DLC1: variants seen among roughly 807,000 people sequenced by gnomAD.
DLC1 encodes the protein DLC1 Rho GTPase activating protein, also known as rho GTPase-activating protein 7.
A neutral mutation model predicts 140.3 loss-of-function variants in DLC1; 54 were observed. That is an observed-to-expected ratio of 0.38 (90% CI 0.31 to 0.48). The LOEUF is 0.48. Ranked by LOEUF, DLC1 falls within the 20% of genes least tolerant of loss-of-function variation. DLC1 has a pLI of 0.96. For missense variants in DLC1, 2,536 were observed against 1,907.0 expected, an observed-to-expected ratio of 1.33 and a Z score of -6.14; for synonymous variants, 986 against 728.1, an observed-to-expected ratio of 1.35 and a Z score of -5.70.
intron 1 of DLC1, among the ~76,000 whole-genome samples, chr8:13,546,025 G>C (rs183037128): frequency 2.6e-5 from 4 of 152,220 alleles, no homozygotes; most frequent in Admixed American, 2.0e-4. Flanking sequence ...ATATGTTAAA[G>C]AGAATGGGGA....
chr8:13,546,065 G>A (rs939147521), intron 1 of DLC1, among the ~76,000 whole-genome samples: 1 of 152,094 alleles, frequency 6.6e-6, no homozygotes, highest in Non-Finnish European at 1.5e-5. Flanking sequence ...CTTTTATGCC[G>A]TCTTGGAATT....
intron 2 of DLC1, among the ~76,000 whole-genome samples, chr8:13,448,261 C>G (rs1414392113): frequency 6.6e-6 from 1 of 152,066 alleles, no homozygotes; most frequent in African/African-American, 2.4e-5. Context: ...ATCATGAAAC[C>G]CTGGAATAGA....
intron 5 of DLC1, among the ~76,000 whole-genome samples, chr8:13,150,668 C>G (rs1379337600): frequency 6.6e-6 from 1 of 152,228 alleles, no homozygotes; most frequent in Non-Finnish European, 1.5e-5. Flanking sequence ...AGTCTTAGAT[C>G]TTCATAAACA....
At chr8:13,501,256 A>C (rs1449379748) in intron 1 of DLC1, among the ~76,000 whole-genome samples, 1 of 152,208 alleles carries the variant, frequency 6.6e-6, no homozygotes, top group Admixed American at 6.5e-5. Context: ...GCATAAGACA[A>C]GCTTAGAATA....
rs775545560 is a variant in DLC1 at position 13,095,089 on chromosome 8, A to T, written c.3324T>A (p.Asp1108Glu). 6.2e-7 allele frequency: 1 copy of T among 1,614,242 alleles called. No individual in the cohort carries two copies. The highest frequency in any genetic ancestry group is 1.1e-5 in the South Asian group (1 of 91,084). ...GACCCGCAGGCAGCGCTCTCACCTG[A>T]TCCAAACAATGGTTCCGGAGGTATC... is the stretch of plus-strand genomic sequence containing the variant. Reference protein sequence around the residue: ...AMRYLRNHCLDQVGLFRKSGV... With the variant: ...AMRYLRNHCLEQVGLFRKSGV... The change falls in exon 11 of 18, where the codon GAT becomes GAA. Residue 1108 changes from aspartate to glutamate, a missense_variant. By Grantham distance (45) the Asp-to-Glu change is conservative (BLOSUM62 2). Transcript: ENST00000276297.
rs141180641 is a variant in DLC1 at position 13,575,464 on chromosome 8, C to G, written c.-126+29073G>C. On this transcript the variant is annotated intron_variant, in intron 1 of 1. Transcript: ENST00000631382. ...GGGGCCGAGGGGAGGATTCCCACATCTGGGCTGGGGCTTGGATATTTTGAA... is the reference window on the plus strand; with the variant it reads ...GGGGCCGAGGGGAGGATTCCCACATGTGGGCTGGGGCTTGGATATTTTGAA... Among the ~76,000 whole-genome samples, 39 of 151,990 alleles carry G rather than the reference C, an allele frequency of 2.6e-4. 1 individual carries two copies. The East Asian group carries it at 7.4e-3, about 29-fold the overall frequency.
chr8:13,241,297 G>T (rs761881978), intron 5 of DLC1, among the ~76,000 whole-genome samples: 31 of 152,170 alleles, frequency 2.0e-4, no homozygotes, highest in Admixed American at 3.9e-4. Context: ...GGCCGTTTAG[G>T]GAGATAATAT....
At chr8:13,283,726 G>T (rs1452695148) in intron 5 of DLC1, among the ~76,000 whole-genome samples, 1 of 152,098 alleles carries the variant, frequency 6.6e-6, no homozygotes, top group Non-Finnish European at 1.5e-5. Flanking sequence ...TATTGCCCAG[G>T]ATGGCCTCAA....
At chr8:13,569,338 C>A (rs1444109093) in intron 1 of DLC1, among the ~76,000 whole-genome samples, 1 of 141,046 alleles carries the variant, frequency 7.1e-6, no homozygotes, top group African/African-American at 2.7e-5. Flanking sequence ...TGCGTTAAGA[C>A]CTTCATTTAT....
At chr8:13,348,756 A>C (rs1834492720) in intron 4 of DLC1, among the ~76,000 whole-genome samples, 1 of 152,206 alleles carries the variant, frequency 6.6e-6, no homozygotes, top group South Asian at 2.1e-4. Context: ...AGCGAAGGTA[A>C]CAGGAAGACA....
At chr8:13,253,439 G>T (rs1830091277) in intron 5 of DLC1, among the ~76,000 whole-genome samples, 1 of 152,054 alleles carries the variant, frequency 6.6e-6, no homozygotes, top group African/African-American at 2.4e-5. Context: ...TTATGTGTGT[G>T]TGTGTGTGTG....
chr8:13,384,717 C>G (rs970214480), intron 4 of DLC1, among the ~76,000 whole-genome samples: 3 of 152,120 alleles, frequency 2.0e-5, no homozygotes, highest in African/African-American at 7.2e-5. Flanking sequence ...TAGACCCGGG[C>G]TAGGTTGAGT....
intron 5 of DLC1, among the ~76,000 whole-genome samples, chr8:13,236,076 T>C (rs1306802924): frequency 6.6e-6 from 1 of 152,020 alleles, no homozygotes; most frequent in Non-Finnish European, 1.5e-5. Flanking sequence ...TAAAATATAT[T>C]CTGTGAATAT....
chr8:13,327,268 C>T (rs1334403517), intron 4 of DLC1, among the ~76,000 whole-genome samples: 1 of 151,684 alleles, frequency 6.6e-6, no homozygotes, highest in Admixed American at 6.6e-5. Context: ...CCACTGCGCC[C>T]GGCCCCACTT....
At chr8:13,245,830 A>T (rs192869260) in intron 5 of DLC1, among the ~76,000 whole-genome samples, 1 of 151,936 alleles carries the variant, frequency 6.6e-6, no homozygotes, top group Non-Finnish European at 1.5e-5. Flanking sequence ...CCTCCCATGT[A>T]GCTGGGATTA....
chr8:13,131,843 C>A (rs1359511232), intron 5 of DLC1, among the ~76,000 whole-genome samples: 1 of 152,236 alleles, frequency 6.6e-6, no homozygotes, highest in African/African-American at 2.4e-5. Flanking sequence ...ACCCCACCAG[C>A]CTGACCCCGT....
chr8:13,306,863 C>T (rs536824047), intron 4 of DLC1, among the ~76,000 whole-genome samples: 7 of 151,718 alleles, frequency 4.6e-5, no homozygotes, highest in African/African-American at 1.7e-4. Context: ...GCGGGTGGAT[C>T]ACCTGAGGTC....
intron 2 of DLC1, among the ~76,000 whole-genome samples, chr8:13,403,125 G>C (rs1452899184): frequency 6.6e-6 from 1 of 152,162 alleles, no homozygotes; most frequent in Non-Finnish European, 1.5e-5. Flanking sequence ...AGAATTTTTT[G>C]AGGTATGCTA....
At chr8:13,244,789 C>T (rs10503439) in intron 5 of DLC1, among the ~76,000 whole-genome samples, 7 of 152,062 alleles carry the variant, frequency 4.6e-5, no homozygotes, top group East Asian at 3.9e-4. Context: ...ATTATAGTTT[C>T]GACATATTTG....
Sources: gnomAD v4.1 joint callset for allele counts (sites outside exome capture counted in the v4.1 genomes callset) on GRCh38, gnomAD v4.1.1 for gene constraint, MANE v1.5 for transcripts, NCBI Gene and HGNC (gene_info 2026-07-23, HGNC 2026-07-21) for gene names.